FBXL17: variants seen among roughly 807,000 people sequenced by gnomAD.
FBXL17 encodes F-box and leucine rich repeat protein 17.
FBXL17 carries 22 observed loss-of-function variants against 66.2 expected under a neutral mutation model. The observed-to-expected ratio is 0.33, with a 90% CI of 0.24 to 0.47. The LOEUF is 0.47. Among genes scored for constraint, FBXL17 ranks in the 20% least tolerant of loss-of-function variants. The pLI is 1.00. For synonymous variants in FBXL17, 474 were observed against 400.5 expected (o/e 1.18, Z -2.19); for missense variants, 878 against 948.2 (o/e 0.93, Z 0.97).
intron 7 of FBXL17, among the ~76,000 whole-genome samples, chr5:108,007,900 T>A (rs1230706158): frequency 6.6e-6 from 1 of 152,178 alleles, no homozygotes; most frequent in Non-Finnish European, 1.5e-5. Flanking sequence ...CCTCCAGCTC[T>A]AGAATCAGCA....
chr5:108,106,381 T>C (rs948391349), intron 6 of FBXL17, among the ~76,000 whole-genome samples: 26 of 152,206 alleles, frequency 1.7e-4, no homozygotes, highest in Non-Finnish European at 2.9e-5. Flanking sequence ...AAATGTAAAG[T>C]TGCCATACGT....
intron 4 of FBXL17, among the ~76,000 whole-genome samples, chr5:108,231,984 T>C (rs1264677216): frequency 3.6e-5 from 5 of 139,360 alleles, no homozygotes; most frequent in African/African-American, 5.0e-5. Flanking sequence ...AAAAAAACTA[T>C]GACCTGCTGA....
At position 107,870,922 on chromosome 5, in the gene FBXL17, C is replaced by T. The variant is rs17165765; in HGVS notation, c.1966-9062G>A. ...TGACTATGTTACTGGAGCCTAAAAG[C>T]GACCTGCTAAATATGGGAATAAGCT... is the stretch of plus-strand genomic sequence containing the variant. On this transcript the variant is annotated intron_variant, in intron 8 of 8. Transcript: ENST00000542267. Among the ~76,000 whole-genome samples, 1,428 of 151,916 alleles carry T rather than the reference C, an allele frequency of 9.4e-3. 14 individuals carry two copies. The highest frequency in any genetic ancestry group is 0.013 in the Non-Finnish European group (874 of 67,960).
At chr5:108,365,504 C>A (rs1431728174) in intron 2 of FBXL17, among the ~76,000 whole-genome samples, 7 of 152,114 alleles carry the variant, frequency 4.6e-5, no homozygotes, top group Admixed American at 4.6e-4. Flanking sequence ...ATATCCCATA[C>A]CTTGCCTTCT....
intron 5 of FBXL17, among the ~76,000 whole-genome samples, chr5:108,187,131 T>TTTTCATTTCTATTTCATTTCA (rs1420359041): frequency 6.6e-6 from 1 of 152,280 alleles, no homozygotes; most frequent in East Asian, 1.9e-4. Flanking sequence ...CTTCTCCATG[T>TTTTCATTTCTATTTCATTTCA]TTTCATTTTC....
chr5:107,971,874 G>T (rs1314969120), intron 7 of FBXL17, among the ~76,000 whole-genome samples: 3 of 152,114 alleles, frequency 2.0e-5, no homozygotes, highest in African/African-American at 7.2e-5. Context: ...CCCCAATTCT[G>T]TATTAGATGC....
At position 107,989,801 on chromosome 5, in the gene FBXL17, T is replaced by C. The variant is rs1753167526; in HGVS notation, c.1822+31124A>G. 2.0e-5 allele frequency among the ~76,000 whole-genome samples: 3 copies of C among 152,306 alleles called. No homozygotes were observed. In the South Asian group the frequency reaches 6.2e-4, roughly 32 times the overall value. ...ATCTAAATAAGGGTGTATTTGCAGC[T>C]TGTAATATTTCTACATAAATAAAAA... On this transcript the variant is annotated intron_variant, in intron 7 of 8. Transcript: ENST00000542267.
intron 4 of FBXL17, among the ~76,000 whole-genome samples, chr5:108,226,957 A>G (rs2029104): frequency 6.6e-6 from 1 of 151,874 alleles, no homozygotes; most frequent in South Asian, 2.1e-4. Context: ...GACTATACCA[A>G]TGGCTCTCCT....
At chr5:108,297,406 T>G (rs556556449) in intron 4 of FBXL17, among the ~76,000 whole-genome samples, 1 of 151,836 alleles carries the variant, frequency 6.6e-6, no homozygotes, top group Admixed American at 6.6e-5. Context: ...ATTTGCAAAT[T>G]AATATACTTC....
At chr5:107,925,037 T>C (rs1750479771) in intron 7 of FBXL17, among the ~76,000 whole-genome samples, 1 of 152,220 alleles carries the variant, frequency 6.6e-6, no homozygotes, top group South Asian at 2.1e-4. Flanking sequence ...TTGATTTACT[T>C]TGGAGTCTCC....
chr5:108,368,007 G>A, intron 1 of FBXL17, 54 bp from the exon 2 acceptor site: 2 of 1,483,094 alleles, frequency 1.3e-6, no homozygotes, highest in Non-Finnish European at 9.0e-7. Context: ...TCAAGGCACA[G>A]GAAAAGGTTT....
intron 8 of FBXL17, chr5:107,878,229 G>A: frequency 1.0e-6 from 1 of 961,280 alleles, no homozygotes; most frequent in Non-Finnish European, 1.2e-6. Flanking sequence ...TCTCTAGTCT[G>A]AATTTATTTT....
chr5:108,110,809 A>G (rs1750005036), intron 6 of FBXL17, among the ~76,000 whole-genome samples: 1 of 151,578 alleles, frequency 6.6e-6, no homozygotes, highest in Non-Finnish European at 1.5e-5. Flanking sequence ...TGCTGTACCT[A>G]GTTTCTTTTT....
chr5:108,023,569 T>C (rs1313890556), intron 6 of FBXL17, among the ~76,000 whole-genome samples: 2 of 152,116 alleles, frequency 1.3e-5, no homozygotes, highest in African/African-American at 2.4e-5. Flanking sequence ...TGATGAGAGA[T>C]TGTGGGTGGT....
intron 6 of FBXL17, among the ~76,000 whole-genome samples, chr5:108,078,362 C>G (rs912218552): frequency 1.3e-5 from 2 of 152,168 alleles, no homozygotes; most frequent in African/African-American, 4.8e-5. Context: ...GCTTGGTTGT[C>G]ATATGTGAAA....
At chr5:108,064,541 G>A (rs778261749) in intron 6 of FBXL17, among the ~76,000 whole-genome samples, 7 of 152,006 alleles carry the variant, frequency 4.6e-5, no homozygotes, top group Non-Finnish European at 1.0e-4. Flanking sequence ...CTACAGTCAG[G>A]GCCTAGTCTT....
chr5:108,238,005 A>G (rs974574083), intron 4 of FBXL17, among the ~76,000 whole-genome samples: 3 of 152,234 alleles, frequency 2.0e-5, no homozygotes, highest in African/African-American at 7.2e-5. Context: ...CCATGTGAAA[A>G]TTATCTTTTA....
At chr5:107,980,665 T>TATATATATATATATA (rs1363335386) in intron 7 of FBXL17, among the ~76,000 whole-genome samples, 23 of 79,050 alleles carry the variant, frequency 2.9e-4, no homozygotes, top group Admixed American at 5.0e-4. Flanking sequence ...TATATATATA[T>TATATATATATATATA]TTTTTTTTTG....
intron 6 of FBXL17, among the ~76,000 whole-genome samples, chr5:108,139,468 G>A (rs1393034379): frequency 6.6e-6 from 1 of 152,100 alleles, no homozygotes; most frequent in Admixed American, 6.6e-5. Flanking sequence ...TTCTGCTGGA[G>A]GAAATACAAC....
Sources: gnomAD v4.1 joint callset for allele counts (sites outside exome capture counted in the v4.1 genomes callset) on GRCh38, gnomAD v4.1.1 for gene constraint, MANE v1.5 for transcripts, NCBI Gene and HGNC (gene_info 2026-07-23, HGNC 2026-07-21) for gene names.